RORA: variants seen among roughly 807,000 people sequenced by gnomAD.
RORA encodes the protein RAR related orphan receptor A.
A neutral mutation model predicts 69.5 loss-of-function variants in RORA; 7 were observed. The ratio of observed to expected loss-of-function variants is 0.10; its 90% CI spans 0.06 to 0.19. The LOEUF (loss-of-function observed/expected upper bound fraction) is 0.19, where lower values mean the gene tolerates loss of function less well. Among genes scored for constraint, RORA ranks in the 10% least tolerant of loss-of-function variants. The pLI is 1.00. For synonymous variants in RORA, 261 were observed against 240.8 expected (o/e 1.08, Z -0.78); for missense variants, 457 against 663.0 (o/e 0.69, Z 3.41).
intron 10 of RORA, among the ~76,000 whole-genome samples, chr15:60,498,475 C>A (rs970197658): frequency 6.6e-6 from 1 of 152,118 alleles, no homozygotes; most frequent in African/African-American, 2.4e-5. Context: ...TGGGTCTGAG[C>A]AAAATAATAG....
At chr15:60,893,487 T>TTAG (rs1316483616) in intron 1 of RORA, among the ~76,000 whole-genome samples, 1 of 152,196 alleles carries the variant, frequency 6.6e-6, no homozygotes, top group East Asian at 1.9e-4. Flanking sequence ...GCCCCTGACT[T>TTAG]TCTATTTTCT....
intron 1 of RORA, among the ~76,000 whole-genome samples, chr15:61,175,600 T>A: frequency 9.1e-6 from 1 of 109,456 alleles, no homozygotes; most frequent in Admixed American, 8.4e-5. Context: ...TCCCAGCTAC[T>A]TGGAAGGGCT....
At chr15:60,510,348 G>A (rs1347763567) in intron 5 of RORA, 1 of 152,212 alleles carries the variant, frequency 6.6e-6, no homozygotes, top group Admixed American at 6.5e-5. Context: ...AGCAGCGGAT[G>A]TTAACACAAC....
chr15:60,944,438 G>A (rs532389444), intron 1 of RORA, among the ~76,000 whole-genome samples: 5 of 151,982 alleles, frequency 3.3e-5, no homozygotes, highest in Non-Finnish European at 7.4e-5. Context: ...AGCACGGAGC[G>A]AGATGCGGTG....
chr15:60,627,428 A>C (rs2069619545), intron 2 of RORA: 1 of 1,610,642 alleles, frequency 6.2e-7, no homozygotes, highest in Non-Finnish European at 8.5e-7. Flanking sequence ...GCTTTGCCCC[A>C]GTGTACTATG....
chr15:61,091,547 G>A (rs1259532839), intron 1 of RORA, among the ~76,000 whole-genome samples: 1 of 152,190 alleles, frequency 6.6e-6, no homozygotes, highest in Non-Finnish European at 1.5e-5. Context: ...TCCGGCAGAA[G>A]ATGCCATGAA....
chr15:60,909,033 T>G (rs1314136346), intron 1 of RORA, among the ~76,000 whole-genome samples: 1 of 152,160 alleles, frequency 6.6e-6, no homozygotes, highest in East Asian at 1.9e-4. Flanking sequence ...CCCAGGGATC[T>G]GCTCACACCA....
intron 2 of RORA, among the ~76,000 whole-genome samples, chr15:60,574,404 T>C (rs968755156): frequency 1.3e-5 from 2 of 152,242 alleles, no homozygotes; most frequent in Non-Finnish European, 2.9e-5. Flanking sequence ...TCTTATGTTA[T>C]ATGATGAGAA....
rs531575037 is a variant in RORA, at chr15:61,007,645, G to A, written c.166+221408C>T. On this transcript the variant is annotated intron_variant, in intron 1 of 10. Transcript: ENST00000335670. ...ATTTACACATATTTTTATTACAAAG[G>A]ATTATGACAGCATGATCAATGAAAG... 5.0e-4 allele frequency among the ~76,000 whole-genome samples: 76 copies of A among 150,754 alleles called. 1 individual carries two copies. Among genetic ancestry groups the A allele is most frequent in the African/African-American group, 1.6e-3 (68 of 41,256 alleles).
chr15:60,828,277 G>A lies in RORA; in HGVS notation c.167-149591C>T, dbSNP rs185567416. 4.3e-3 allele frequency among the ~76,000 whole-genome samples: 652 copies of A among 152,316 alleles called. 3 individuals carry two copies. Among genetic ancestry groups the A allele is most frequent in the African/African-American group, 0.013 (522 of 41,564 alleles). On this transcript the variant is annotated intron_variant, in intron 1 of 10. Coordinates refer to ENST00000335670, the MANE Select transcript of RORA (RefSeq NM_134261.3). ...CCTTGACTCAGTGTCTCAGCCTGGC[G>A]CAGGCAAGTAAAGAGACATGGTAGG...
At chr15:60,684,968 G>A (rs1350126391) in intron 1 of RORA, among the ~76,000 whole-genome samples, 1 of 152,126 alleles carries the variant, frequency 6.6e-6, no homozygotes, top group Non-Finnish European at 1.5e-5. Context: ...TCCATAAAAT[G>A]GGAATAAAAT....
intron 3 of RORA, among the ~76,000 whole-genome samples, chr15:60,517,616 AAGAGGTC>A (rs1416797996): frequency 6.6e-6 from 1 of 152,186 alleles, no homozygotes; most frequent in African/African-American, 2.4e-5. Flanking sequence ...AAGAGATACC[AAGAGGTC>A]AGCTGTCTAG....
chr15:60,677,354 A>G (rs2070568906), intron 2 of RORA: 14 of 397,854 alleles, frequency 3.5e-5, no homozygotes, highest in South Asian at 2.5e-4. Flanking sequence ...ACCCCCAAAA[A>G]GCTAAGGGTC....
chr15:60,501,103 T>A, intron 8 of RORA, 34 bp from the exon 9 acceptor site: 2 of 1,287,656 alleles, frequency 1.6e-6, no homozygotes, highest in Non-Finnish European at 2.2e-6. Context: ...GTTTAGAATT[T>A]TGATTATTGT....
At chr15:60,642,677 G>C (rs1343824820) in intron 2 of RORA, among the ~76,000 whole-genome samples, 1 of 151,946 alleles carries the variant, frequency 6.6e-6, no homozygotes, top group Non-Finnish European at 1.5e-5. Context: ...AATCACTTGA[G>C]CCCGGAAGTT....
chr15:60,762,046 A>G (rs1259628950), intron 1 of RORA, among the ~76,000 whole-genome samples: 1 of 152,212 alleles, frequency 6.6e-6, no homozygotes, highest in Admixed American at 6.5e-5. Flanking sequence ...TGTCTAAAAC[A>G]TAAGGGGAAA....
chr15:60,618,434 C>G (rs969476646), intron 2 of RORA, among the ~76,000 whole-genome samples: 1 of 152,208 alleles, frequency 6.6e-6, no homozygotes, highest in African/African-American at 2.4e-5. Context: ...TATTGCACCC[C>G]AGGCACCTGG....
At chr15:61,087,834 T>C (rs1450559819) in intron 1 of RORA, among the ~76,000 whole-genome samples, 1 of 152,364 alleles carries the variant, frequency 6.6e-6, no homozygotes, top group East Asian at 1.9e-4. Context: ...AGTGAATTTA[T>C]GGCCAGGGAG....
At chr15:61,169,165 C>G (rs2079563800) in intron 1 of RORA, among the ~76,000 whole-genome samples, 1 of 152,060 alleles carries the variant, frequency 6.6e-6, no homozygotes, top group Non-Finnish European at 1.5e-5. Context: ...TGCCAAGTCC[C>G]CTGCAGACGC....
Sources: allele counts gnomAD v4.1 joint callset (sites outside exome capture counted in the v4.1 genomes callset), GRCh38; gene constraint gnomAD v4.1.1; transcripts MANE v1.5; gene names NCBI Gene and HGNC (gene_info 2026-07-23, HGNC 2026-07-21).